Variants in AGO2 observed in about 807,000 individuals in gnomAD.
The protein encoded by AGO2 is protein argonaute-2.
In AGO2, 5 loss-of-function variants were observed where a neutral mutation model predicts 102.3. The ratio of observed to expected loss-of-function variants is 0.05; its 90% CI spans 0.03 to 0.10. The LOEUF (loss-of-function observed/expected upper bound fraction) is 0.10, where lower values mean the gene tolerates loss of function less well. Ranked by LOEUF, AGO2 falls within the 10% of genes least tolerant of loss-of-function variation. The pLI, the probability that AGO2 is intolerant of heterozygous loss-of-function variation, is 1.00. For missense variants in AGO2, 541 were observed against 1,183.7 expected (o/e 0.46, Z 7.97); for synonymous variants, 449 against 473.1 (o/e 0.95, Z 0.66).
intron 13 of AGO2, among the ~76,000 whole-genome samples, chr8:140,546,951 C>T (rs12543064): frequency 3.9e-5 from 6 of 152,220 alleles, no homozygotes; most frequent in African/African-American, 1.4e-4. Flanking sequence ...CCGTCCCCGG[C>T]GGTCAGCCCT....
intron 1 of AGO2, among the ~76,000 whole-genome samples, chr8:140,631,781 T>C (rs2074345310): frequency 6.6e-6 from 1 of 152,188 alleles, no homozygotes; most frequent in Non-Finnish European, 1.5e-5. Flanking sequence ...TCCATTGCTT[T>C]AGACACGCAT....
At chr8:140,571,183 C>T (rs2132973252) in intron 3 of AGO2, among the ~76,000 whole-genome samples, 1 of 152,242 alleles carries the variant, frequency 6.6e-6, no homozygotes, top group East Asian at 1.9e-4. Context: ...ACCACTGCCC[C>T]TCTTAGAACC....
rs1050775056 is a variant in AGO2, at chr8:140,572,753, C to T, written c.336+59G>A. ...AGAACAGGCATGACAGACTTTACAA[C>T]ATGTGTGAGCTTTACTTCACCGTAT... On this transcript the variant is annotated intron_variant, in intron 3 of 18. Transcript: ENST00000220592. 1.0e-5 allele frequency: 16 copies of T among 1,576,082 alleles called. 1 individual carries two copies. The South Asian group carries it at 1.9e-4, about 18-fold the overall frequency.
At chr8:140,587,786 A>C (rs1321669411) in intron 1 of AGO2, among the ~76,000 whole-genome samples, 2 of 152,200 alleles carry the variant, frequency 1.3e-5, no homozygotes, top group South Asian at 2.1e-4. Context: ...GGGAATTCTA[A>C]CACCACCTAG....
At chr8:140,559,640 G>A in intron 5 of AGO2, 111 bp from the exon 6 acceptor site, 2 of 1,435,436 alleles carry the variant, frequency 1.4e-6, no homozygotes, top group African/African-American at 1.4e-5. Context: ...GGGACACCCG[G>A]CCGGGGTTCT....
At position 140,557,258 on chromosome 8, in the gene AGO2, C is replaced by T. The variant is rs2073112946; in HGVS notation, c.879-22G>A. ...GAATCTGAGGAGCAAAGGGGCTGTTCAGGCCGAGGGCATCCCGGAGCCCCT... is the reference window on the plus strand; with the variant it reads ...GAATCTGAGGAGCAAAGGGGCTGTTTAGGCCGAGGGCATCCCGGAGCCCCT... On this transcript the variant is annotated intron_variant, in intron 7 of 18. Transcript: ENST00000220592. The surrounding 1 kb of genome is among the most constrained non-coding windows in gnomAD (Gnocchi z 5.9). 3.7e-6 allele frequency: 6 copies of T among 1,603,894 alleles called. No homozygotes were observed. The African/African-American group carries it at 4.0e-5, about 11-fold the overall frequency.
At position 140,527,130 on chromosome 8, in the gene AGO2, C is replaced by T. The variant is rs2072520867; in HGVS notation, c.*4914G>A. The T allele has an allele frequency of 6.6e-6, 1 of 152,220 alleles. No individual in the cohort carries two copies. Among genetic ancestry groups the T allele is most frequent in the Non-Finnish European group, 1.5e-5 (1 of 68,046 alleles). 9.4% of individuals were successfully genotyped at this position (152,220 alleles called of 1,614,324 possible). A position where few individuals can be genotyped will look rare whatever the true frequency, so the allele number is the denominator to read the frequency against. ...ATCAAACAGACCACAACAGTGTTCA[C>T]AAGACTGCAACGAGTCTGCTTAGGA... On this transcript the variant is annotated 3_prime_UTR_variant, in exon 19 of 19. Transcript: ENST00000220592. This position sits in a 1 kb window ranked among gnomAD's most constrained non-coding sequence, Gnocchi z 6.0.
chr8:140,607,635 A>G (rs866534830), intron 1 of AGO2, among the ~76,000 whole-genome samples: 41 of 151,934 alleles, frequency 2.7e-4, no homozygotes, highest in Non-Finnish European at 5.4e-4. Flanking sequence ...GGCACCTGCT[A>G]TGACATGGAT....
intron 1 of AGO2, among the ~76,000 whole-genome samples, chr8:140,610,709 C>T (rs1291860288): frequency 6.6e-6 from 1 of 152,214 alleles, no homozygotes; most frequent in African/African-American, 2.4e-5. Flanking sequence ...GCGACAGGCC[C>T]CTGGGCCCCA....
chr8:140,556,102 G>C, intron 9 of AGO2, 65 bp downstream of exon 9: 1 of 1,611,136 alleles, frequency 6.2e-7, no homozygotes, highest in Non-Finnish European at 8.5e-7. Context: ...AAGCATCAGA[G>C]GTTTCTGTGC....
chr8:140,584,029 T>A (rs543499475), intron 2 of AGO2, among the ~76,000 whole-genome samples: 2 of 152,148 alleles, frequency 1.3e-5, no homozygotes, highest in Non-Finnish European at 2.9e-5. Flanking sequence ...TGACTGTATC[T>A]CTATCCTATT....
intron 1 of AGO2, among the ~76,000 whole-genome samples, chr8:140,597,344 A>AGGGCAGCGT (rs1392082875): frequency 1.3e-5 from 2 of 152,318 alleles, no homozygotes; most frequent in African/African-American, 4.8e-5. Context: ...GCACGGATGC[A>AGGGCAGCGT]GGGCAGCGTG....
intron 1 of AGO2, among the ~76,000 whole-genome samples, chr8:140,597,955 G>GC (rs1266083143): frequency 6.6e-6 from 1 of 152,226 alleles, no homozygotes. Context: ...CACAGTAGAT[G>GC]CCAGTGCCAG....
chr8:140,595,446 C>T (rs891358240), intron 1 of AGO2, among the ~76,000 whole-genome samples: 26 of 151,112 alleles, frequency 1.7e-4, no homozygotes, highest in African/African-American at 6.3e-4. Flanking sequence ...TCTATTTATT[C>T]GTTTTATATC....
chr8:140,597,843 G>A (rs1213893815), intron 1 of AGO2, among the ~76,000 whole-genome samples: 2 of 152,172 alleles, frequency 1.3e-5, no homozygotes, highest in African/African-American at 4.8e-5. Context: ...AACATCTCCT[G>A]CTCATCTGCT....
Position 140,557,258 on chromosome 8 carries a change from C to G in AGO2, c.879-22G>C, listed in dbSNP as rs2073112946. ...GAATCTGAGGAGCAAAGGGGCTGTT[C>G]AGGCCGAGGGCATCCCGGAGCCCCT... On this transcript the variant is annotated intron_variant, in intron 7 of 18. Coordinates refer to ENST00000220592, the MANE Select transcript of AGO2 (RefSeq NM_012154.5). The surrounding 1 kb of genome is among the most constrained non-coding windows in gnomAD (Gnocchi z 5.9). The G allele has an allele frequency of 6.2e-7, 1 of 1,603,776 alleles. No individual in the cohort carries two copies. Among genetic ancestry groups the G allele is most frequent in the Non-Finnish European group, 8.5e-7 (1 of 1,174,248 alleles).
At chr8:140,553,019 G>A (rs372868569) in intron 10 of AGO2, among the ~76,000 whole-genome samples, 2 of 152,292 alleles carry the variant, frequency 1.3e-5, no homozygotes, top group East Asian at 3.9e-4. Flanking sequence ...ATGGACCAGG[G>A]GTAGGTAGAG....
intron 13 of AGO2, among the ~76,000 whole-genome samples, chr8:140,547,014 C>A (rs945961321): frequency 6.6e-6 from 1 of 152,160 alleles, no homozygotes; most frequent in African/African-American, 2.4e-5. Context: ...CCTGTCCTGG[C>A]CTGGGAGCTG....
intron 1 of AGO2, among the ~76,000 whole-genome samples, chr8:140,586,702 C>T (rs7006298): frequency 0.8 from 121,870 of 152,026 alleles, 49,114 homozygotes; most frequent in Admixed American, 0.84. Context: ...AGCCACTCCC[C>T]TGAGGACCGA....
Sources: allele counts gnomAD v4.1 joint callset (sites outside exome capture counted in the v4.1 genomes callset), GRCh38; gene constraint gnomAD v4.1.1; non-coding constraint Gnocchi (gnomAD v3.1); transcripts MANE v1.5; gene names NCBI Gene and HGNC (gene_info 2026-07-23, HGNC 2026-07-21).